The following ZNF492 variants were observed in gnomAD, a reference collection of about 807,000 sequenced individuals.
The protein encoded by ZNF492 is zinc finger protein 492.
Under a neutral mutation model 6.4 loss-of-function variants are expected in ZNF492, and 3 were observed. The observed-to-expected ratio is 0.47, with a 90% confidence interval of 0.21 to 1.22. ZNF492 has a LOEUF of 1.22. Ranked by LOEUF, ZNF492 falls within the 50% of genes most tolerant of loss-of-function variation. The pLI, the probability that ZNF492 is intolerant of heterozygous loss-of-function variation, is 0.22. For missense variants in ZNF492, 356 were observed against 612.5 expected (o/e 0.58, Z 4.42); for synonymous variants, 112 against 205.3 (o/e 0.55, Z 3.89).
At position 22,652,377 on chromosome 19, in the gene ZNF492, G is replaced by A. The variant is rs553518949; in HGVS notation, c.-93-930G>A. On this transcript the variant is annotated intron_variant, in intron 1 of 3. Coordinates refer to ENST00000456783, the MANE Select transcript of ZNF492 (RefSeq NM_020855.3). The stretch of plus-strand genomic sequence containing the variant: ...CGAGTAGCTGGGACTACAGGCGCCC[G>A]CCACCTTAGGTTTTCTTTGCATTTA... 4.1e-3 allele frequency among the ~76,000 whole-genome samples: 462 copies of A among 113,978 alleles called. 36 individuals carry two copies. The highest frequency in any genetic ancestry group is 5.2e-4 in the Non-Finnish European group (30 of 57,444). The allele number at this position is 113,978 out of a possible 152,430, so 74.8% of individuals were successfully genotyped here.
chr19:22,647,727 G>GTTCTTTTTTT (rs1971896925), intron 1 of ZNF492, among the ~76,000 whole-genome samples: 1 of 92,576 alleles, frequency 1.1e-5, no homozygotes, highest in African/African-American at 4.8e-5. Flanking sequence ...AGCTCTTTTA[G>GTTCTTTTTTT]TTTTTTTTTT....
intron 1 of ZNF492, among the ~76,000 whole-genome samples, chr19:22,651,144 G>A (rs1568354516): frequency 6.6e-6 from 1 of 152,024 alleles, no homozygotes; most frequent in Non-Finnish European, 1.5e-5. Flanking sequence ...CCCTTGGCTG[G>A]GGGGTGGGGG....
chr19:22,662,954 C>T (rs1972073884), intron 3 of ZNF492, among the ~76,000 whole-genome samples: 1 of 152,070 alleles, frequency 6.6e-6, no homozygotes, highest in Non-Finnish European at 1.5e-5. Flanking sequence ...TCCCATTTGT[C>T]AATTTTGGCT....
At chr19:22,647,451 G>A (rs1971891752) in intron 1 of ZNF492, among the ~76,000 whole-genome samples, 2 of 150,274 alleles carry the variant, frequency 1.3e-5, no homozygotes, top group African/African-American at 4.9e-5. Context: ...TATTAGAGAT[G>A]GGGTTTCACC....
intron 3 of ZNF492, among the ~76,000 whole-genome samples, chr19:22,657,202 A>T (rs56310711): frequency 6.6e-6 from 1 of 152,078 alleles, no homozygotes; most frequent in African/African-American, 2.4e-5. Context: ...AAATATAGAC[A>T]GGCAAAAAAA....
At chr19:22,636,102 TA>T (rs201023745) in intron 1 of ZNF492, among the ~76,000 whole-genome samples, 38 of 117,806 alleles carry the variant, frequency 3.2e-4, no homozygotes, top group Admixed American at 7.9e-4. Context: ...CTTACTTAAA[TA>T]TTTTTTTTTT....
At chr19:22,636,346 G>A (rs1350246746) in intron 1 of ZNF492, among the ~76,000 whole-genome samples, 1 of 151,982 alleles carries the variant, frequency 6.6e-6, no homozygotes, top group Admixed American at 6.6e-5. Flanking sequence ...TGATCTGCCC[G>A]CCTCGGCCCA....
chr19:22,667,502 C>T lies in ZNF492; in HGVS notation c.*2237C>T, dbSNP rs1000661517. On this transcript the variant is annotated 3_prime_UTR_variant, in exon 4 of 4. Transcript: ENST00000456783. ...ACATTAGGGTAAATGAGGTATCCAT[C>T]ACCTTTAGAATTTATTTTTTGTATT... 32 of 151,880 alleles carry T rather than the reference C, an allele frequency of 2.1e-4. No individual in the cohort carries two copies. Among genetic ancestry groups the T allele is most frequent in the Non-Finnish European group, 1.9e-4 (13 of 67,990 alleles). The allele number at this position is 151,880 out of a possible 1,614,324, so 9.4% of individuals were successfully genotyped here.
chr19:22,650,889 G>A (rs897966805), intron 1 of ZNF492, among the ~76,000 whole-genome samples: 1 of 152,106 alleles, frequency 6.6e-6, no homozygotes, highest in Non-Finnish European at 1.5e-5. Flanking sequence ...CCCTCCCCCA[G>A]GGAGCTCAAA....
intron 1 of ZNF492, among the ~76,000 whole-genome samples, chr19:22,640,584 G>A (rs1291906668): frequency 6.6e-6 from 1 of 152,170 alleles, no homozygotes; most frequent in Non-Finnish European, 1.5e-5. Context: ...TTGCATCAAT[G>A]TTCATCAAGA....
At chr19:22,654,452 C>T (rs995841502) in intron 3 of ZNF492, among the ~76,000 whole-genome samples, 2 of 151,802 alleles carry the variant, frequency 1.3e-5, no homozygotes, top group African/African-American at 4.8e-5. Context: ...AATTTTTCTG[C>T]ACATTGCATT....
intron 3 of ZNF492, among the ~76,000 whole-genome samples, chr19:22,655,063 C>G (rs542343854): frequency 6.6e-6 from 1 of 151,644 alleles, no homozygotes; most frequent in East Asian, 2.0e-4. Context: ...GAGGCCGAGG[C>G]AGGCGGATCA....
chr19:22,663,378 T>A (rs1972077740), intron 3 of ZNF492, among the ~76,000 whole-genome samples: 1 of 152,174 alleles, frequency 6.6e-6, no homozygotes, highest in Non-Finnish European at 1.5e-5. Context: ...TCAGAACTTT[T>A]ATGCAATGAG....
Position 22,654,004 on chromosome 19 carries a change from C to G in ZNF492, c.119C>G (p.Ala40Gly), listed in dbSNP as rs200412805. 21 of 1,599,318 alleles carry G rather than the reference C, an allele frequency of 1.3e-5. No individual in the cohort carries two copies. Among genetic ancestry groups the G allele is most frequent in the Non-Finnish European group, 1.6e-5 (19 of 1,175,874 alleles). The change falls in exon 3 of 4, where the codon GCT becomes GGT. Residue 40 changes from alanine to glycine, a missense_variant. Transcript: ENST00000456783. ...AATGTGAAGAGACATGAGATGGTAG[C>G]TGAACCCCCAGGTAGGTGAGAGTGA... is the stretch of plus-strand genomic sequence containing the variant. ...PWNVKRHEMV[A>G]EPPVVCSYFA...
chr19:22,652,611 G>A (rs1212473930), intron 1 of ZNF492, among the ~76,000 whole-genome samples: 3 of 147,564 alleles, frequency 2.0e-5, no homozygotes, highest in African/African-American at 7.5e-5. Context: ...ACGGAGTCTC[G>A]CTCTGTCACC....
At chr19:22,640,693 G>A (rs1971817554) in intron 1 of ZNF492, among the ~76,000 whole-genome samples, 1 of 152,148 alleles carries the variant, frequency 6.6e-6, no homozygotes, top group Non-Finnish European at 1.5e-5. Flanking sequence ...CAGTAGAAGT[G>A]GTACCAGCTG....
chr19:22,665,153 A>C lies in ZNF492; in HGVS notation c.1484A>C (p.His495Pro). 1.2e-6 allele frequency: 2 copies of C among 1,611,528 alleles called. No individual in the cohort carries two copies. The highest frequency in any genetic ancestry group is 1.7e-6 in the Non-Finnish European group (2 of 1,179,594). Reference sequence around the variant, plus strand: ...AACAACTCCTCTATTCTTAACAGACATAAGATGATTCATACTGGAGAGAAA... The same window carrying C: ...AACAACTCCTCTATTCTTAACAGACCTAAGATGATTCATACTGGAGAGAAA... ...AFNNSSILNRHKMIHTGEKLY... is the reference protein window; with the variant it reads ...AFNNSSILNRPKMIHTGEKLY... Residue 495 changes from histidine to proline, a missense_variant, in exon 4 of 4, where the codon CAT (histidine) becomes CCT (proline). Around this residue, in one of 7 missense-constraint regions of ZNF492, gnomAD observed 81 missense variants for 115.4 expected, o/e 0.70. Transcript: ENST00000456783.
In ZNF492 at chr19:22,653,417, A is replaced by C. The variant is rs769699858; in HGVS notation, c.18A>C (p.Arg6Ser). 6.2e-7 allele frequency: 1 copy of C among 1,613,910 alleles called. No homozygotes were observed. Among genetic ancestry groups the C allele is most frequent in the Non-Finnish European group, 8.5e-7 (1 of 1,180,004 alleles). Reference protein sequence around the residue: MLENYRNLVFVGIAAS... With the variant: MLENYSNLVFVGIAAS... ...GGAATGTGATGTTAGAGAACTACAG[A>C]AACCTGGTCTTCGTGGGTGAGGATA... The change falls in exon 2 of 4, where the codon AGA (arginine) becomes AGC (serine). Residue 6 changes from arginine (R) to serine (S), a missense_variant. This residue lies in a region of ZNF492 where 196 missense variants were observed against 219.4 expected (regional missense o/e 0.89). Transcript: ENST00000456783.
intron 1 of ZNF492, among the ~76,000 whole-genome samples, chr19:22,652,680 T>C (rs1393956419): frequency 4.6e-5 from 7 of 150,562 alleles, no homozygotes; most frequent in South Asian, 2.1e-4. Flanking sequence ...CTGGGGTTCA[T>C]GCCATTCTCC....
Sources: allele counts gnomAD v4.1 joint callset (sites outside exome capture counted in the v4.1 genomes callset), GRCh38; gene constraint gnomAD v4.1.1; regional missense constraint gnomAD v4.1.1; transcripts MANE v1.5; gene names NCBI Gene and HGNC (gene_info 2026-07-23, HGNC 2026-07-21).